BCL2: variants seen among roughly 807,000 people sequenced by gnomAD.
The protein encoded by BCL2 is apoptosis regulator Bcl-2.
In BCL2, 1 loss-of-function variant was observed where a neutral mutation model predicts 14.2. The ratio of observed to expected loss-of-function variants is 0.07; its 90% CI spans 0.02 to 0.33. BCL2 has a LOEUF of 0.33. Ranked by LOEUF, BCL2 falls within the 10% of genes least tolerant of loss-of-function variation. The pLI, the probability that BCL2 is intolerant of heterozygous loss-of-function variation, is 0.99. For missense variants in BCL2, 247 were observed against 305.9 expected, an observed-to-expected ratio of 0.81 and a Z score of 1.44; for synonymous variants, 151 against 137.2, an observed-to-expected ratio of 1.10 and a Z score of -0.70.
chr18:63,177,406 A>G (rs772530502), intron 2 of BCL2, among the ~76,000 whole-genome samples: 3 of 152,180 alleles, frequency 2.0e-5, no homozygotes, highest in Non-Finnish European at 4.4e-5. Flanking sequence ...CTAAGAAACC[A>G]GGCCTGACCC....
rs1411288738 is a variant in BCL2, at chr18:63,319,187, G to C, written c.-300C>G. 2.2e-6 allele frequency: 1 copy of C among 464,130 alleles called. No individual in the cohort carries two copies. The highest frequency in any genetic ancestry group is 3.0e-6 in the Non-Finnish European group (1 of 330,066). The allele number at this position is 464,130 out of a possible 1,614,324, so 28.8% of individuals were successfully genotyped here. On this transcript the variant is annotated 5_prime_UTR_variant, in exon 1 of 3. An upstream open reading frame in the 5' UTR gains an earlier in-frame stop. Transcript: ENST00000333681. ...CAGAGAACTTACTTGTATTTTTTAA[G>C]TACAGCATGATCCTCTGTCAAGTTT...
At chr18:63,168,885 G>C (rs993534249) in intron 2 of BCL2, among the ~76,000 whole-genome samples, 1 of 152,234 alleles carries the variant, frequency 6.6e-6, no homozygotes, top group African/African-American at 2.4e-5. Flanking sequence ...CCAAAGTGGG[G>C]AGCCATTCTC....
At chr18:63,206,713 C>T (rs1909846434) in intron 2 of BCL2, among the ~76,000 whole-genome samples, 1 of 152,066 alleles carries the variant, frequency 6.6e-6, no homozygotes, top group African/African-American at 2.4e-5. Flanking sequence ...TCATCTCTGT[C>T]ACTTAATGAG....
intron 2 of BCL2, among the ~76,000 whole-genome samples, chr18:63,223,357 G>C (rs941285480): frequency 6.6e-6 from 1 of 150,406 alleles, no homozygotes; most frequent in Non-Finnish European, 1.5e-5. Flanking sequence ...CCAAGATGGC[G>C]TCACTGCACT....
intron 2 of BCL2, among the ~76,000 whole-genome samples, chr18:63,203,022 G>A (rs1252274912): frequency 2.6e-5 from 4 of 152,136 alleles, no homozygotes; most frequent in South Asian, 2.1e-4. Context: ...TGTGCATGTC[G>A]GACCTGTCAG....
chr18:63,291,077 C>T lies in BCL2; in HGVS notation c.585+27005G>A, dbSNP rs558945768. Among the ~76,000 whole-genome samples the T allele has an allele frequency of 4.6e-5, 7 of 152,234 alleles. No individual in the cohort carries two copies. In the South Asian group the frequency reaches 1.0e-3, roughly 23 times the overall value. On this transcript the variant is annotated intron_variant, in intron 2 of 2. Transcript: ENST00000333681. ...ACCCGGCACCCACAGCTGTTTTCCA[C>T]GAATAGAAAGAACACAGCCAACCCA...
At chr18:63,297,040 G>A (rs573038059) in intron 2 of BCL2, among the ~76,000 whole-genome samples, 5 of 152,052 alleles carry the variant, frequency 3.3e-5, no homozygotes, top group Admixed American at 1.3e-4. Flanking sequence ...GTGAAACCCT[G>A]TCTCTACTAA....
At chr18:63,189,369 T>C (rs1915666160) in intron 2 of BCL2, among the ~76,000 whole-genome samples, 1 of 152,176 alleles carries the variant, frequency 6.6e-6, no homozygotes, top group Non-Finnish European at 1.5e-5. Flanking sequence ...TGTAGTTATC[T>C]TCTGTTGTTG....
chr18:63,189,065 G>A (rs980254883), intron 2 of BCL2, among the ~76,000 whole-genome samples: 1 of 147,866 alleles, frequency 6.8e-6, no homozygotes, highest in Non-Finnish European at 1.5e-5. Flanking sequence ...TTACACATAG[G>A]TAGAAAAAAC....
chr18:63,280,074 T>C (rs1479454908), intron 2 of BCL2, among the ~76,000 whole-genome samples: 1 of 152,218 alleles, frequency 6.6e-6, no homozygotes. Context: ...GGGATATACA[T>C]TTATATTTTA....
chr18:63,183,085 C>T (rs1451332817), intron 2 of BCL2, among the ~76,000 whole-genome samples: 1 of 152,192 alleles, frequency 6.6e-6, no homozygotes, highest in Admixed American at 6.5e-5. Flanking sequence ...TGGTGGGGCT[C>T]AGACCCACCC....
chr18:63,140,375 CA>C (rs1477390774), intron 2 of BCL2, among the ~76,000 whole-genome samples: 1 of 152,174 alleles, frequency 6.6e-6, no homozygotes, highest in East Asian at 1.9e-4. Context: ...TCATAATAGC[CA>C]AAAGTGGAAA....
intron 2 of BCL2, among the ~76,000 whole-genome samples, chr18:63,305,144 G>A (rs1913085123): frequency 6.6e-6 from 1 of 152,218 alleles, no homozygotes; most frequent in Non-Finnish European, 1.5e-5. Flanking sequence ...TCTGCTGCAA[G>A]CATGAGAAAC....
chr18:63,191,815 T>G (rs1466007710), intron 2 of BCL2, among the ~76,000 whole-genome samples: 1 of 152,250 alleles, frequency 6.6e-6, no homozygotes, highest in African/African-American at 2.4e-5. Context: ...GACTGTTGCA[T>G]GTGATTAATT....
intron 2 of BCL2, among the ~76,000 whole-genome samples, chr18:63,225,313 T>C (rs1296955533): frequency 6.6e-6 from 1 of 152,200 alleles, no homozygotes; most frequent in Non-Finnish European, 1.5e-5. Flanking sequence ...GCTGTGGATA[T>C]GATCATATCA....
chr18:63,180,243 G>C (rs190955350), intron 2 of BCL2, among the ~76,000 whole-genome samples: 11 of 152,336 alleles, frequency 7.2e-5, no homozygotes, highest in Admixed American at 5.2e-4. Flanking sequence ...ATGTCCTATA[G>C]CCAAGTTGCT....
At position 63,304,943 on chromosome 18, in the gene BCL2, C is replaced by T. The variant is rs149331049; in HGVS notation, c.585+13139G>A. Reference sequence around the variant, plus strand: ...GTGTCAACAAGCAAAAACAGTCACACATGTTCATCTAATTCCAATTGGCCC... The same window carrying T: ...GTGTCAACAAGCAAAAACAGTCACATATGTTCATCTAATTCCAATTGGCCC... On this transcript the variant is annotated intron_variant, in intron 2 of 2. Coordinates refer to ENST00000333681, the MANE Select transcript of BCL2 (RefSeq NM_000633.3). Among the ~76,000 whole-genome samples, 71 of 152,340 alleles carry T rather than the reference C, an allele frequency of 4.7e-4. 1 individual carries two copies. The highest frequency in any genetic ancestry group is 2.1e-3 in the Admixed American group (32 of 15,304).
intron 2 of BCL2, among the ~76,000 whole-genome samples, chr18:63,250,356 A>T (rs551705184): frequency 1.3e-5 from 2 of 152,384 alleles, no homozygotes; most frequent in East Asian, 3.9e-4. Context: ...ACTAATTGAG[A>T]GTATTACTGA....
chr18:63,228,103 T>C (rs1355648312), intron 2 of BCL2, among the ~76,000 whole-genome samples: 1 of 151,130 alleles, frequency 6.6e-6, no homozygotes, highest in African/African-American at 2.4e-5. Flanking sequence ...GAAAAATCTC[T>C]TCCTTCTTTT....
Sources: allele counts gnomAD v4.1 joint callset (sites outside exome capture counted in the v4.1 genomes callset), GRCh38; gene constraint gnomAD v4.1.1; transcripts MANE v1.5; gene names NCBI Gene and HGNC (gene_info 2026-07-23, HGNC 2026-07-21).